The following STARD13 variants were observed in gnomAD, a reference collection of about 807,000 sequenced individuals.
The protein encoded by STARD13 is StAR related lipid transfer domain containing 13, also known as stAR-related lipid transfer protein 13.
Under a neutral mutation model 106.4 loss-of-function variants are expected in STARD13, and 62 were observed. That is an observed-to-expected ratio of 0.58 (90% CI 0.48 to 0.72). STARD13 has a LOEUF of 0.72. STARD13 is among the 30% of genes least tolerant of loss of function. STARD13 has a pLI of 0.00. For missense variants in STARD13, 1,387 were observed against 1,424.0 expected, an observed-to-expected ratio of 0.97 and a Z score of 0.42; for synonymous variants, 565 against 553.0, an observed-to-expected ratio of 1.02 and a Z score of -0.31.
intron 1 of STARD13, among the ~76,000 whole-genome samples, chr13:33,171,502 C>T (rs952645072): frequency 2.0e-4 from 30 of 152,308 alleles, no homozygotes; most frequent in Admixed American, 1.1e-3. Flanking sequence ...TCCTTCCCTA[C>T]GTATTCTGAT....
At chr13:33,425,142 A>T in the STARD13 span, among the ~76,000 whole-genome samples, 1 of 152,196 alleles carries the variant, frequency 6.6e-6, no homozygotes, top group Admixed American at 6.5e-5. Flanking sequence ...GAAAGGGAAA[A>T]CCATTCAAAT....
intron 4 of STARD13, among the ~76,000 whole-genome samples, chr13:33,139,076 G>C (rs1879465994): frequency 1.3e-5 from 2 of 152,142 alleles, no homozygotes; most frequent in African/African-American, 4.8e-5. Flanking sequence ...TTGCCATGAA[G>C]ACAATAAATA....
chr13:33,418,564 C>T, the STARD13 span, among the ~76,000 whole-genome samples: 4 of 152,234 alleles, frequency 2.6e-5, no homozygotes, highest in African/African-American at 9.7e-5. Context: ...ACGTCCCTGT[C>T]TGACAGCTCT....
At chr13:33,291,246 A>G (rs1892280513) in intron 1 of STARD13, among the ~76,000 whole-genome samples, 2 of 152,214 alleles carry the variant, frequency 1.3e-5, no homozygotes, top group South Asian at 4.1e-4. Flanking sequence ...CAGGCAGGAC[A>G]AATCTATGCT....
the STARD13 span, among the ~76,000 whole-genome samples, chr13:33,591,383 T>C: frequency 6.6e-6 from 1 of 152,264 alleles, no homozygotes. Context: ...TTTGCATGTG[T>C]TATATGCATA....
the STARD13 span, among the ~76,000 whole-genome samples, chr13:33,588,148 C>A: frequency 0.045 from 6,895 of 152,160 alleles, 291 homozygotes; most frequent in East Asian, 0.24. Context: ...GCAGTGAGCT[C>A]TTGAAATTCC....
chr13:33,359,125 G>A, the STARD13 span, among the ~76,000 whole-genome samples: 2 of 120,044 alleles, frequency 1.7e-5, no homozygotes, highest in African/African-American at 2.6e-5. Flanking sequence ...CGCTCAGGTT[G>A]CCTTCCACAC....
the STARD13 span, among the ~76,000 whole-genome samples, chr13:33,637,319 A>G: frequency 0.038 from 5,755 of 152,274 alleles, 361 homozygotes; most frequent in African/African-American, 0.13. Context: ...AGAGGCCTCT[A>G]CATTTCCACC....
At chr13:33,408,996 C>T in the STARD13 span, among the ~76,000 whole-genome samples, 2 of 151,638 alleles carry the variant, frequency 1.3e-5, no homozygotes, top group Non-Finnish European at 2.9e-5. Flanking sequence ...CTTTGCACCC[C>T]ATTCTCTCTC....
chr13:33,144,841 G>C (rs921134025), intron 3 of STARD13, among the ~76,000 whole-genome samples: 1 of 152,178 alleles, frequency 6.6e-6, no homozygotes, highest in Non-Finnish European at 1.5e-5. Context: ...TTCCATTAGG[G>C]TTTGGAAGCA....
chr13:33,128,029 G>A lies in STARD13; in HGVS notation c.1749-483C>T, dbSNP rs552473874. Reference sequence around the variant, plus strand: ...TGTAGATGGAGAGATGGAGAGATGAGACAAAAAGAGATACAGAGGCAGAGG... The same window carrying A: ...TGTAGATGGAGAGATGGAGAGATGAAACAAAAAGAGATACAGAGGCAGAGG... On this transcript the variant is annotated intron_variant, in intron 5 of 13. Coordinates refer to ENST00000336934, the MANE Select transcript of STARD13 (RefSeq NM_178006.4). Among the ~76,000 whole-genome samples the A allele has an allele frequency of 4.1e-3, 622 of 151,832 alleles. 1 individual carries two copies. The highest frequency in any genetic ancestry group is 7.5e-3 in the Non-Finnish European group (508 of 67,910).
chr13:33,306,706 T>G (rs534807238), intron 1 of STARD13, among the ~76,000 whole-genome samples: 1 of 152,278 alleles, frequency 6.6e-6, no homozygotes, highest in South Asian at 2.1e-4. Flanking sequence ...TCACAGAATT[T>G]TGGGAGGCCA....
chr13:33,621,079 G>C, the STARD13 span, among the ~76,000 whole-genome samples: 2 of 151,706 alleles, frequency 1.3e-5, no homozygotes, highest in African/African-American at 4.8e-5. Context: ...AGTAGAAAAA[G>C]AAGAGCAAAC....
At chr13:33,501,078 C>CTTTTTTTTTT in the STARD13 span, among the ~76,000 whole-genome samples, 5 of 94,096 alleles carry the variant, frequency 5.3e-5, no homozygotes, top group African/African-American at 2.1e-4. Flanking sequence ...TCTCTCTCTC[C>CTTTTTTTTTT]TTTTTTTTTT....
At chr13:33,568,374 C>G in the STARD13 span, among the ~76,000 whole-genome samples, 2 of 147,894 alleles carry the variant, frequency 1.4e-5, no homozygotes, top group Non-Finnish European at 3.0e-5. Flanking sequence ...GGTCAAATGA[C>G]TTTTGCAAAA....
At chr13:33,532,000 C>G in the STARD13 span, among the ~76,000 whole-genome samples, 1 of 152,274 alleles carries the variant, frequency 6.6e-6, no homozygotes, top group African/African-American at 2.4e-5. Flanking sequence ...CCGTCCCCAT[C>G]TTTTTAGTGA....
the STARD13 span, among the ~76,000 whole-genome samples, chr13:33,667,573 T>G: frequency 1.3e-5 from 2 of 152,224 alleles, no homozygotes; most frequent in African/African-American, 4.8e-5. Context: ...TTGCATCTCT[T>G]CACTTCTAAG....
chr13:33,524,191 G>A, the STARD13 span: 1 of 1,172,380 alleles, frequency 8.5e-7, no homozygotes, highest in Middle Eastern at 2.3e-4. Context: ...GTATGAACAG[G>A]GCAGGACACT....
At chr13:33,411,568 C>T in the STARD13 span, among the ~76,000 whole-genome samples, 1,568 of 152,154 alleles carry the variant, frequency 0.01, 27 homozygotes, top group African/African-American at 0.035. Context: ...AGGCTCCCAC[C>T]GAGAAACAAG....
Sources: allele counts gnomAD v4.1 joint callset (sites outside exome capture counted in the v4.1 genomes callset), GRCh38; gene constraint gnomAD v4.1.1; transcripts MANE v1.5; gene names NCBI Gene and HGNC (gene_info 2026-07-23, HGNC 2026-07-21).